DOCK2: variants seen among roughly 807,000 people sequenced by gnomAD.
DOCK2 encodes dedicator of cytokinesis protein 2.
DOCK2 carries 87 observed loss-of-function variants against 248.9 expected under a neutral mutation model. The observed-to-expected ratio is 0.35, with a 90% CI of 0.29 to 0.42. The LOEUF (loss-of-function observed/expected upper bound fraction) is 0.42, where lower values mean the gene tolerates loss of function less well. Among genes scored for constraint, DOCK2 ranks in the 10% least tolerant of loss-of-function variants. The probability of loss-of-function intolerance (pLI) is 1.00; values close to 1 mark genes in which losing one functional copy is unlikely to be tolerated. For missense variants in DOCK2, 1,747 were observed against 2,300.2 expected (o/e 0.76, Z 4.92); for synonymous variants, 805 against 821.6 (o/e 0.98, Z 0.35).
At chr5:169,956,862 A>G (rs763022612) in intron 27 of DOCK2, among the ~76,000 whole-genome samples, 12 of 152,148 alleles carry the variant, frequency 7.9e-5, no homozygotes, top group Non-Finnish European at 1.6e-4. Flanking sequence ...AATGCATCAA[A>G]TATAAGGAAA....
intron 25 of DOCK2, among the ~76,000 whole-genome samples, chr5:169,781,792 C>G (rs562815382): frequency 6.6e-6 from 1 of 152,294 alleles, no homozygotes; most frequent in South Asian, 2.1e-4. Context: ...CTCCCGCCCC[C>G]ACAGAGAGGG....
Position 169,939,577 on chromosome 5 carries a change from C to T in DOCK2, c.2800-43491C>T, listed in dbSNP as rs259908. ...TTGTGTGTGCTGTACTTTTATATGACGGGCAGCACAGTATGTTAGTTTACA... is the reference window on the plus strand; with the variant it reads ...TTGTGTGTGCTGTACTTTTATATGATGGGCAGCACAGTATGTTAGTTTACA... On this transcript the variant is annotated intron_variant, in intron 27 of 51. Coordinates refer to ENST00000520908, the MANE Select transcript of DOCK2 (RefSeq NM_004946.3). Among the ~76,000 whole-genome samples the T allele has an allele frequency of 6.7e-3, 1,013 of 151,172 alleles. 12 individuals are homozygous for T. The highest frequency in any genetic ancestry group is 0.045 in the South Asian group (210 of 4,636).
chr5:170,035,944 CA>C (rs1756308370), intron 35 of DOCK2, among the ~76,000 whole-genome samples: 2 of 152,114 alleles, frequency 1.3e-5, no homozygotes, highest in African/African-American at 4.8e-5. Flanking sequence ...TGGTGAAGTC[CA>C]GGGCAGCTAC....
intron 25 of DOCK2, among the ~76,000 whole-genome samples, chr5:169,769,408 C>T (rs1017250278): frequency 1.3e-5 from 2 of 152,168 alleles, no homozygotes; most frequent in African/African-American, 2.4e-5. Flanking sequence ...TCCATCTTAT[C>T]GCCTTCCTTT....
chr5:170,026,454 G>A (rs755682572), intron 33 of DOCK2, among the ~76,000 whole-genome samples: 1 of 152,124 alleles, frequency 6.6e-6, no homozygotes, highest in African/African-American at 2.4e-5. Flanking sequence ...TGAAGACCGG[G>A]TGTAAAGAGG....
intron 27 of DOCK2, among the ~76,000 whole-genome samples, chr5:169,887,399 C>A (rs1317824580): frequency 1.3e-5 from 2 of 152,022 alleles, no homozygotes; most frequent in Non-Finnish European, 2.9e-5. Flanking sequence ...TCTTACCACC[C>A]AGAAAGAGCC....
At chr5:169,819,464 T>G (rs779815843) in intron 26 of DOCK2, among the ~76,000 whole-genome samples, 1 of 151,852 alleles carries the variant, frequency 6.6e-6, no homozygotes, top group East Asian at 1.9e-4. Flanking sequence ...CTACAAAAAA[T>G]TAAAAAATTA....
At chr5:169,831,093 A>G (rs1453434145) in intron 26 of DOCK2, among the ~76,000 whole-genome samples, 1 of 152,172 alleles carries the variant, frequency 6.6e-6, no homozygotes, top group East Asian at 1.9e-4. Flanking sequence ...CCAACAAAAC[A>G]TAGCAAATAA....
At chr5:170,001,940 G>A (rs138427266) in intron 30 of DOCK2, among the ~76,000 whole-genome samples, 1 of 152,264 alleles carries the variant, frequency 6.6e-6, no homozygotes, top group Non-Finnish European at 1.5e-5. Context: ...TCCTCATTTA[G>A]TCCTTACAAC....
rs766311242 is a variant in DOCK2 at position 169,651,698 on chromosome 5, G to GT, written c.44-2704dup. On this transcript the variant is annotated intron_variant, in intron 1 of 51. Transcript: ENST00000520908. ...CCAGTGAGGACACCAGCAAACTGGA[G>GT]TATGTCCAAGCAACAGCAGCCTATG... Among the ~76,000 whole-genome samples, 9 of 152,202 alleles carry GT rather than the reference G, an allele frequency of 5.9e-5. No homozygotes were observed. In the South Asian group the frequency reaches 6.2e-4, roughly 11 times the overall value.
At chr5:169,716,414 C>A in intron 20 of DOCK2, 112 bp downstream of exon 20, 1 of 1,033,524 alleles carries the variant, frequency 9.7e-7, no homozygotes, top group Non-Finnish European at 1.4e-6. Context: ...TTCATGAATT[C>A]TTTGGAGGTG....
intron 26 of DOCK2, among the ~76,000 whole-genome samples, chr5:169,823,155 G>A (rs1189100240): frequency 2.0e-5 from 3 of 152,132 alleles, no homozygotes; most frequent in African/African-American, 4.8e-5. Flanking sequence ...AAAAGTCCAG[G>A]ACCAGACGGA....
At chr5:169,933,129 G>A (rs1182793160) in intron 27 of DOCK2, among the ~76,000 whole-genome samples, 1 of 152,316 alleles carries the variant, frequency 6.6e-6, no homozygotes, top group East Asian at 1.9e-4. Context: ...CCTGAAACAG[G>A]GTAAGGAGAA....
chr5:169,724,763 T>TC (rs1762387267), intron 22 of DOCK2, among the ~76,000 whole-genome samples: 1 of 151,936 alleles, frequency 6.6e-6, no homozygotes, highest in Admixed American at 6.6e-5. Context: ...TTTTTTTTTT[T>TC]TTCTTATTTG....
At chr5:170,038,995 C>T (rs1458102859) in intron 36 of DOCK2, among the ~76,000 whole-genome samples, 1 of 152,156 alleles carries the variant, frequency 6.6e-6, no homozygotes, top group African/African-American at 2.4e-5. Context: ...TGCAATTTCA[C>T]GGTTAACTCC....
chr5:169,847,495 GA>G (rs1306198261), intron 27 of DOCK2, among the ~76,000 whole-genome samples: 1 of 151,986 alleles, frequency 6.6e-6, no homozygotes, highest in Non-Finnish European at 1.5e-5. Flanking sequence ...GGGAGAACAG[GA>G]AAAAAATTCT....
intron 32 of DOCK2, among the ~76,000 whole-genome samples, chr5:170,017,111 C>T (rs1312435712): frequency 6.6e-6 from 1 of 152,136 alleles, no homozygotes; most frequent in Non-Finnish European, 1.5e-5. Flanking sequence ...TCCTGGGCAA[C>T]TACTCCAACA....
intron 41 of DOCK2, among the ~76,000 whole-genome samples, chr5:170,054,577 A>G (rs1410657539): frequency 1.3e-5 from 2 of 152,248 alleles, no homozygotes; most frequent in African/African-American, 4.8e-5. Context: ...ATCCTGCCAT[A>G]GGCAGTTGCT....
chr5:169,876,399 C>A (rs1371033673), intron 27 of DOCK2, among the ~76,000 whole-genome samples: 1 of 152,220 alleles, frequency 6.6e-6, no homozygotes, highest in Non-Finnish European at 1.5e-5. Context: ...TGTTCTAACT[C>A]ATTCTCCCAA....
Sources: allele counts gnomAD v4.1 joint callset (sites outside exome capture counted in the v4.1 genomes callset), GRCh38; gene constraint gnomAD v4.1.1; transcripts MANE v1.5; gene names NCBI Gene and HGNC (gene_info 2026-07-23, HGNC 2026-07-21).